PLCL1: variants seen among roughly 807,000 people sequenced by gnomAD.
PLCL1 encodes phospholipase C like 1 (inactive), also known as inactive phospholipase C-like protein 1.
Under a neutral mutation model 84.4 loss-of-function variants are expected in PLCL1, and 41 were observed. That is an observed-to-expected ratio of 0.49 (90% confidence interval 0.38 to 0.63). The LOEUF (loss-of-function observed/expected upper bound fraction) is 0.63, where lower values mean the gene tolerates loss of function less well. Ranked by LOEUF, PLCL1 falls within the 30% of genes least tolerant of loss-of-function variation. The pLI, the probability that PLCL1 is intolerant of heterozygous loss-of-function variation, is 0.00. For synonymous variants in PLCL1, 490 were observed against 488.3 expected (o/e 1.00, Z -0.05); for missense variants, 1,206 against 1,367.8 (o/e 0.88, Z 1.87).
At chr2:198,031,173 C>G (rs1039573810) in intron 1 of PLCL1, among the ~76,000 whole-genome samples, 2 of 148,400 alleles carry the variant, frequency 1.3e-5, no homozygotes, top group Non-Finnish European at 3.0e-5. Context: ...GAGCTCAACA[C>G]CAGTCTGGGC....
intron 1 of PLCL1, among the ~76,000 whole-genome samples, chr2:198,075,532 G>A (rs1037648177): frequency 2.6e-4 from 40 of 152,290 alleles, no homozygotes; most frequent in African/African-American, 9.4e-4. Flanking sequence ...AACTGCGTAC[G>A]AAGCAGTGGA....
chr2:198,121,667 G>T (rs1322144574), intron 5 of PLCL1, among the ~76,000 whole-genome samples: 1 of 152,002 alleles, frequency 6.6e-6, no homozygotes, highest in Non-Finnish European at 1.5e-5. Flanking sequence ...TGGTCGATAT[G>T]TCTGTTTTTA....
chr2:198,012,737 A>T (rs1690900131), intron 1 of PLCL1, among the ~76,000 whole-genome samples: 1 of 150,442 alleles, frequency 6.6e-6, no homozygotes, highest in Admixed American at 6.6e-5. Flanking sequence ...ATATATAAAA[A>T]TTTATATATA....
chr2:197,931,333 T>C (rs910576855), intron 1 of PLCL1, among the ~76,000 whole-genome samples: 1 of 152,164 alleles, frequency 6.6e-6, no homozygotes, highest in Non-Finnish European at 1.5e-5. Context: ...TATAGTGCTC[T>C]GAGGATATTT....
intron 5 of PLCL1, among the ~76,000 whole-genome samples, chr2:198,136,052 G>A (rs970150339): frequency 1.3e-5 from 2 of 152,110 alleles, no homozygotes; most frequent in Non-Finnish European, 2.9e-5. Context: ...TTGGACTAAT[G>A]AGTAATGCAA....
At chr2:197,882,491 G>C (rs1687846187) in intron 1 of PLCL1, among the ~76,000 whole-genome samples, 1 of 152,012 alleles carries the variant, frequency 6.6e-6, no homozygotes, top group Non-Finnish European at 1.5e-5. Flanking sequence ...CTTCACAATA[G>C]TCTCTTTTCC....
At chr2:197,816,172 C>A (rs1189536926) in intron 1 of PLCL1, among the ~76,000 whole-genome samples, 1 of 152,086 alleles carries the variant, frequency 6.6e-6, no homozygotes, top group Non-Finnish European at 1.5e-5. Context: ...GCCACCCAAA[C>A]CTTCAGCAAC....
At chr2:197,905,496 T>C (rs773011262) in intron 1 of PLCL1, among the ~76,000 whole-genome samples, 2 of 152,260 alleles carry the variant, frequency 1.3e-5, no homozygotes, top group Non-Finnish European at 2.9e-5. Context: ...TAGTCTATGA[T>C]TGATGGGCAT....
intron 5 of PLCL1, among the ~76,000 whole-genome samples, chr2:198,120,198 G>A (rs1260072244): frequency 2.0e-5 from 3 of 151,808 alleles, no homozygotes; most frequent in African/African-American, 7.3e-5. Flanking sequence ...ATTTTTGTGG[G>A]TACATAGGTG....
At chr2:198,100,232 C>T (rs1004282869) in intron 3 of PLCL1, among the ~76,000 whole-genome samples, 9 of 151,956 alleles carry the variant, frequency 5.9e-5, no homozygotes, top group Non-Finnish European at 1.2e-4. Context: ...TGAGTCCCTG[C>T]TCTACTGGAA....
At chr2:197,992,075 T>A (rs112133360) in intron 1 of PLCL1, among the ~76,000 whole-genome samples, 2,428 of 152,188 alleles carry the variant, frequency 0.016, 32 homozygotes, top group African/African-American at 0.034. Context: ...AAGATTTTTT[T>A]AATTATACTT....
intron 1 of PLCL1, among the ~76,000 whole-genome samples, chr2:197,898,865 AGTT>A (rs1688208568): frequency 6.6e-6 from 1 of 151,526 alleles, no homozygotes; most frequent in Admixed American, 6.6e-5. Context: ...TACTTCGAAA[AGTT>A]GTTGTATACA....
In PLCL1 at chr2:198,086,151, C is replaced by T. The variant is rs145792334; in HGVS notation, c.2634C>T (p.Ile878=). The T allele has an allele frequency of 2.5e-6, 4 of 1,613,512 alleles. No individual in the cohort carries two copies. In the African/African-American group the frequency reaches 4.0e-5, roughly 16 times the overall value. The change falls in exon 2 of 6, where the codon ATC becomes ATT. Residue 878 remains isoleucine (I), a synonymous_variant. Coordinates refer to ENST00000428675, the MANE Select transcript of PLCL1 (RefSeq NM_006226.4). ...KVREYTMLRN[I]GLKTIDDIFK... ...GGGAATATACCATGCTCAGGAATAT[C>T]GGTCTTAAAACCATTGATGACATCT...
At chr2:197,816,837 T>C (rs1389197592) in intron 1 of PLCL1, among the ~76,000 whole-genome samples, 1 of 152,180 alleles carries the variant, frequency 6.6e-6, no homozygotes, top group Non-Finnish European at 1.5e-5. Flanking sequence ...ATGTTTAATA[T>C]TTGTTAAATT....
intron 1 of PLCL1, among the ~76,000 whole-genome samples, chr2:197,947,237 A>AATATATAT (rs55700681): frequency 0.05 from 7,161 of 142,556 alleles, 207 homozygotes; most frequent in African/African-American, 0.076. Context: ...TGCTTAGATA[A>AATATATAT]ATATATATAT....
chr2:197,966,305 C>G (rs1386889978), intron 1 of PLCL1, among the ~76,000 whole-genome samples: 2 of 152,034 alleles, frequency 1.3e-5, no homozygotes, highest in African/African-American at 2.4e-5. Context: ...TGTCTCTGAG[C>G]CCAGCACAGC....
intron 3 of PLCL1, among the ~76,000 whole-genome samples, chr2:198,093,784 G>T (rs1287944495): frequency 6.6e-6 from 1 of 152,058 alleles, no homozygotes; most frequent in Non-Finnish European, 1.5e-5. Flanking sequence ...AGTATGGAAA[G>T]AAAGAAATCA....
intron 4 of PLCL1, 97 bp from the exon 5 acceptor site, chr2:198,103,730 G>A (rs1044375757): frequency 8.4e-6 from 5 of 596,246 alleles, no homozygotes; most frequent in Non-Finnish European, 3.0e-6. Flanking sequence ...GAGAAGACAG[G>A]AATGTGAAAT....
At chr2:197,895,876 A>G (rs951377847) in intron 1 of PLCL1, among the ~76,000 whole-genome samples, 45 of 151,918 alleles carry the variant, frequency 3.0e-4, no homozygotes, top group African/African-American at 1.1e-3. Flanking sequence ...GCTTATTGGA[A>G]CCATACCCTG....
Sources: gnomAD v4.1 joint callset for allele counts (sites outside exome capture counted in the v4.1 genomes callset) on GRCh38, gnomAD v4.1.1 for gene constraint, MANE v1.5 for transcripts, NCBI Gene and HGNC (gene_info 2026-07-23, HGNC 2026-07-21) for gene names.